The following EDNRB variants were observed in gnomAD, a reference collection of about 807,000 sequenced individuals.
EDNRB encodes the protein Hirschsprung disease 2.
In EDNRB, 18 loss-of-function variants were observed where a neutral mutation model predicts 46.4. The observed-to-expected ratio is 0.39, with a 90% CI of 0.27 to 0.57. EDNRB has a LOEUF of 0.57. Among genes scored for constraint, EDNRB ranks in the 20% least tolerant of loss-of-function variants. EDNRB has a pLI of 0.61. For missense variants in EDNRB, 434 were observed against 537.5 expected (o/e 0.81, Z 1.90); for synonymous variants, 213 against 204.9 (o/e 1.04, Z -0.34).
chr13:77,899,196 C>T (rs551399590), intron 6 of EDNRB, among the ~76,000 whole-genome samples: 34 of 151,826 alleles, frequency 2.2e-4, no homozygotes, highest in Admixed American at 5.9e-4. Context: ...AGTGTTTACG[C>T]GGGAGCTACG....
chr13:77,925,539 C>A (rs1032174068), intron 1 of EDNRB, among the ~76,000 whole-genome samples: 1 of 152,194 alleles, frequency 6.6e-6, no homozygotes, highest in African/African-American at 2.4e-5. Flanking sequence ...AGCCTTGGCA[C>A]CTTCCATGTG....
intron 1 of EDNRB, among the ~76,000 whole-genome samples, chr13:77,906,874 G>A (rs1429129869): frequency 6.6e-6 from 1 of 151,960 alleles, no homozygotes; most frequent in East Asian, 1.9e-4. Flanking sequence ...CCACATGCCT[G>A]CTTGCATTTG....
chr13:77,956,172 C>A (rs1444072763), intron 1 of EDNRB, among the ~76,000 whole-genome samples: 1 of 152,060 alleles, frequency 6.6e-6, no homozygotes, highest in Non-Finnish European at 1.5e-5. Flanking sequence ...GATGTCTTTC[C>A]ATTTATTTGT....
intron 1 of EDNRB, among the ~76,000 whole-genome samples, chr13:77,904,067 C>T (rs1325370102): frequency 6.6e-6 from 1 of 151,982 alleles, no homozygotes; most frequent in Admixed American, 6.6e-5. Context: ...CATTCAGGCA[C>T]TTGTTCTTCA....
rs965130684 is a variant in EDNRB at position 77,963,176 on chromosome 13, G to A, written c.-52+12171C>T. The stretch of plus-strand genomic sequence containing the variant: ...CTCATGGATAAGAATAATCAATATC[G>A]TGAAAATGTCCATACTGCCCAAGTA... On this transcript the variant is annotated intron_variant, in intron 1 of 7. Coordinates refer to the EDNRB transcript ENST00000646948. Among the ~76,000 whole-genome samples the A allele has an allele frequency of 8.5e-5, 13 of 152,248 alleles. No individual in the cohort carries two copies. The East Asian group carries it at 1.2e-3, about 14-fold the overall frequency.
upstream of EDNRB, chr13:77,918,836 C>G (rs1879961191): frequency 1.5e-6 from 2 of 1,294,668 alleles, no homozygotes; most frequent in African/African-American, 1.5e-5. The surrounding 1 kb of genome is among the most constrained non-coding windows in gnomAD (Gnocchi z 4.5). Context: ...TTTCTTCCCC[C>G]GCGTGGCCAG....
intron 1 of EDNRB, among the ~76,000 whole-genome samples, chr13:77,905,767 A>G (rs948300366): frequency 6.6e-6 from 1 of 152,036 alleles, no homozygotes; most frequent in Non-Finnish European, 1.5e-5. Flanking sequence ...AGGCAAGAGC[A>G]TGTGCAAACG....
Position 77,896,384 on chromosome 13 carries a change from T to A in EDNRB, c.*1816A>T. 1.3e-6 allele frequency: 2 copies of A among 1,505,218 alleles called. No homozygotes were observed. The highest frequency in any genetic ancestry group is 2.7e-5 in the South Asian group (2 of 73,670). The allele number at this position is 1,505,218 out of a possible 1,614,324, so 93.2% of individuals were successfully genotyped here. A position where few individuals can be genotyped will look rare whatever the true frequency, so the allele number is the denominator to read the frequency against. On this transcript the variant is annotated 3_prime_UTR_variant, in exon 7 of 7. Transcript: ENST00000646607. ...CAGGCCTCTGAAAAAGTGATTGGGATGAAATTAAAGAACAAGTTTGTGGGT... is the reference window on the plus strand; with the variant it reads ...CAGGCCTCTGAAAAAGTGATTGGGAAGAAATTAAAGAACAAGTTTGTGGGT...
At chr13:77,922,342 A>G (rs544245527), upstream of EDNRB, among the ~76,000 whole-genome samples, 9 of 152,308 alleles carry the variant, frequency 5.9e-5, no homozygotes, top group African/African-American at 2.2e-4. Flanking sequence ...TTCATTTCTC[A>G]AAGAGGTTTG....
chr13:77,958,573 A>G (rs1410309746), intron 1 of EDNRB, among the ~76,000 whole-genome samples: 1 of 151,982 alleles, frequency 6.6e-6, no homozygotes, highest in Non-Finnish European at 1.5e-5. Flanking sequence ...ATGGGGTTTC[A>G]CCATGTTAGC....
chr13:77,897,371 G>C lies in EDNRB; in HGVS notation c.*829C>G, dbSNP rs1003141954. 2 of 985,188 alleles carry C rather than the reference G, an allele frequency of 2.0e-6. No individual in the cohort carries two copies. The highest frequency in any genetic ancestry group is 4.7e-5 in the South Asian group (1 of 21,282). The allele number at this position is 985,188 out of a possible 1,614,324, so 61.0% of individuals were successfully genotyped here. ...TATTGTCTTCACAGGGTATGTGAAT[G>C]ACAGATTCAAAAAAGTCTTTTGGGA... is the stretch of plus-strand genomic sequence containing the variant. On this transcript the variant is annotated 3_prime_UTR_variant, in exon 7 of 7. Transcript: ENST00000646607.
chr13:77,931,777 A>C (rs1458431233), intron 1 of EDNRB, among the ~76,000 whole-genome samples: 1 of 103,766 alleles, frequency 9.6e-6, no homozygotes, highest in Non-Finnish European at 2.0e-5. Flanking sequence ...AAAAAAAACA[A>C]AAAAAACCTC....
At chr13:77,963,730 A>T (rs1025659711) in intron 1 of EDNRB, among the ~76,000 whole-genome samples, 3 of 152,232 alleles carry the variant, frequency 2.0e-5, no homozygotes, top group Non-Finnish European at 4.4e-5. Flanking sequence ...CATGTCTAAA[A>T]CACCAAAAGC....
At chr13:77,932,453 T>C (rs965698824) in intron 1 of EDNRB, among the ~76,000 whole-genome samples, 1 of 152,234 alleles carries the variant, frequency 6.6e-6, no homozygotes. Flanking sequence ...CCTTTATTTA[T>C]TTATGTCTAC....
rs558502966 is a variant in EDNRB, at chr13:77,902,099, T to C, written c.802-892A>G. Among the ~76,000 whole-genome samples, 8 of 152,064 alleles carry C rather than the reference T, an allele frequency of 5.3e-5. No homozygotes were observed. The East Asian group carries it at 1.4e-3, about 26-fold the overall frequency. ...CCCTAATCAAATGTTCTTTAATAAA[T>C]GACCAGGATGAAAAGTTTCTTGCAA... On this transcript the variant is annotated intron_variant, in intron 3 of 6. Transcript: ENST00000646607.
chr13:77,938,101 G>A (rs1469836860), intron 1 of EDNRB, among the ~76,000 whole-genome samples: 1 of 152,126 alleles, frequency 6.6e-6, no homozygotes, highest in Non-Finnish European at 1.5e-5. Context: ...GGTGTGAGTT[G>A]AAGAGGTTTT....
At chr13:77,912,578 C>T (rs1454104615) in intron 1 of EDNRB, among the ~76,000 whole-genome samples, 1 of 152,096 alleles carries the variant, frequency 6.6e-6, no homozygotes, top group Non-Finnish European at 1.5e-5. Flanking sequence ...TTCTGTATAA[C>T]ATCATTTGTC....
At chr13:77,945,951 G>A (rs973617592) in intron 1 of EDNRB, among the ~76,000 whole-genome samples, 1 of 150,266 alleles carries the variant, frequency 6.7e-6, no homozygotes, top group Non-Finnish European at 1.5e-5. Flanking sequence ...ACTCAGATGT[G>A]ACACAGATGT....
chr13:77,942,476 G>A (rs767616283), intron 1 of EDNRB, among the ~76,000 whole-genome samples: 7 of 152,068 alleles, frequency 4.6e-5, no homozygotes, highest in Non-Finnish European at 8.8e-5. Flanking sequence ...CCACACATTA[G>A]CCACTAGATT....
Sources: allele counts gnomAD v4.1 joint callset (sites outside exome capture counted in the v4.1 genomes callset), GRCh38; gene constraint gnomAD v4.1.1; non-coding constraint Gnocchi (gnomAD v3.1); transcripts MANE v1.5; gene names NCBI Gene and HGNC (gene_info 2026-07-23, HGNC 2026-07-21).